Variants in OPCML observed in about 807,000 individuals in gnomAD.
OPCML encodes opioid-binding protein/cell adhesion molecule.
Under a neutral mutation model 37.8 loss-of-function variants are expected in OPCML, and 13 were observed. The ratio of observed to expected loss-of-function variants is 0.34; its 90% confidence interval spans 0.22 to 0.55. OPCML has a LOEUF of 0.55. Ranked by LOEUF, OPCML falls within the 20% of genes least tolerant of loss-of-function variation. The probability of loss-of-function intolerance (pLI) is 0.91; values close to 1 mark genes in which losing one functional copy is unlikely to be tolerated. For missense variants in OPCML, 341 were observed against 435.6 expected (o/e 0.78, Z 1.93); for synonymous variants, 176 against 168.8 (o/e 1.04, Z -0.33).
intron 2 of OPCML, among the ~76,000 whole-genome samples, chr11:132,929,046 TA>T (rs1007130276): frequency 6.9e-6 from 1 of 145,228 alleles, no homozygotes; most frequent in Non-Finnish European, 1.5e-5. Context: ...CTTAAGGAAC[TA>T]AAAAAAAGAA....
intron 3 of OPCML, among the ~76,000 whole-genome samples, chr11:132,548,577 A>G (rs143158494): frequency 1.2e-4 from 19 of 152,312 alleles, no homozygotes; most frequent in African/African-American, 4.3e-4. Context: ...ATATTAGCAC[A>G]ATGGCAACAG....
intron 2 of OPCML, among the ~76,000 whole-genome samples, chr11:132,732,539 C>G (rs968096131): frequency 9.2e-5 from 14 of 152,042 alleles, no homozygotes; most frequent in African/African-American, 3.1e-4. Flanking sequence ...CAGTCATCAT[C>G]ATGAAACGGT....
intron 1 of OPCML, among the ~76,000 whole-genome samples, chr11:133,239,484 G>A (rs1364919874): frequency 1.3e-5 from 2 of 152,220 alleles, no homozygotes; most frequent in African/African-American, 2.4e-5. Flanking sequence ...GGGCCTTGGG[G>A]GAGCTGTGCT....
chr11:132,838,386 C>G (rs1249734300), intron 2 of OPCML, among the ~76,000 whole-genome samples: 1 of 152,090 alleles, frequency 6.6e-6, no homozygotes, highest in Non-Finnish European at 1.5e-5. Context: ...TACTAAGCTA[C>G]ATAGGGTAGT....
rs74380140 is a variant in OPCML at position 132,634,053 on chromosome 11, A to G, written c.379+23034T>C. Among the ~76,000 whole-genome samples, 146 of 152,296 alleles carry G rather than the reference A, an allele frequency of 9.6e-4. 3 individuals are homozygous for G. The East Asian group carries it at 0.027, about 28-fold the overall frequency. Reference sequence around the variant, plus strand: ...GCATACAGACACAGCAGTATTTAGCAGAAGCAAAAAGGGAAAGGGGATTTT... The same window carrying G: ...GCATACAGACACAGCAGTATTTAGCGGAAGCAAAAAGGGAAAGGGGATTTT... On this transcript the variant is annotated intron_variant, in intron 3 of 7. Transcript: ENST00000524381.
intron 1 of OPCML, among the ~76,000 whole-genome samples, chr11:133,510,228 G>C (rs929487865): frequency 3.9e-5 from 6 of 152,200 alleles, no homozygotes; most frequent in African/African-American, 1.2e-4. Flanking sequence ...ATCACAGGCT[G>C]AGAAGAGCTG....
chr11:133,223,862 C>T (rs2136370208), intron 1 of OPCML, among the ~76,000 whole-genome samples: 1 of 152,324 alleles, frequency 6.6e-6, no homozygotes, highest in Middle Eastern at 3.4e-3. Flanking sequence ...ATCTGACCCA[C>T]CAGCTCCTGT....
Position 133,007,437 on chromosome 11 carries a change from A to T in OPCML, c.62-64427T>A, listed in dbSNP as rs567861565. 3.0e-6 allele frequency: 3 copies of T among 985,432 alleles called. No homozygotes were observed. In the South Asian group the frequency reaches 1.4e-4, roughly 46 times the overall value. The allele number at this position is 985,432 out of a possible 1,614,324, so 61.0% of individuals were successfully genotyped here. ...CAAAGAATGCTGTTACCAGTTTTTT[A>T]TCTCCAAAATGCACACAAAGCCCTG... On this transcript the variant is annotated intron_variant, in intron 1 of 7. Coordinates refer to ENST00000524381, the MANE Select transcript of OPCML (RefSeq NM_001012393.5).
intron 1 of OPCML, among the ~76,000 whole-genome samples, chr11:133,081,013 G>C (rs1001066021): frequency 6.6e-6 from 1 of 152,070 alleles, no homozygotes; most frequent in Non-Finnish European, 1.5e-5. Context: ...TTTGGTGAGA[G>C]GACCAGTTTC....
At chr11:132,999,991 C>T (rs779804425) in intron 1 of OPCML, among the ~76,000 whole-genome samples, 5 of 152,128 alleles carry the variant, frequency 3.3e-5, no homozygotes, top group African/African-American at 4.8e-5. Context: ...GTAGACACAC[C>T]GCTGAGCCAA....
chr11:132,703,782 C>T (rs2135930127), intron 2 of OPCML, among the ~76,000 whole-genome samples: 1 of 152,274 alleles, frequency 6.6e-6, no homozygotes. Context: ...TCTGGGTCCA[C>T]AGGGGTGGGC....
intron 1 of OPCML, among the ~76,000 whole-genome samples, chr11:133,015,395 T>TGAAGGAAGGAAGGAAGGAAGGAAG (rs1212156985): frequency 7.9e-4 from 54 of 68,228 alleles, no homozygotes; most frequent in Middle Eastern, 9.3e-3. Context: ...AAGGAAGGAA[T>TGAAGGAAGGAAGGAAGGAAGGAAG]GAAGGAAGGA....
At chr11:132,626,553 G>A (rs1402605460) in intron 3 of OPCML, among the ~76,000 whole-genome samples, 1 of 151,958 alleles carries the variant, frequency 6.6e-6, no homozygotes, top group Non-Finnish European at 1.5e-5. Context: ...TAGGGAAAAG[G>A]CTTATAAAAA....
rs187332577 is a variant in OPCML at position 132,716,271 on chromosome 11, G to T, written c.147-58952C>A. Among the ~76,000 whole-genome samples, 80 of 152,304 alleles carry T rather than the reference G, an allele frequency of 5.3e-4. 1 individual carries two copies. Among genetic ancestry groups the T allele is most frequent in the South Asian group, 2.1e-4 (1 of 4,824 alleles). ...CTGGGAATCCCAGAGGCTCAGAAGC[G>T]CTATCCAGGAAGTAGCATGTAGATT... On this transcript the variant is annotated intron_variant, in intron 2 of 7. Coordinates refer to ENST00000524381, the MANE Select transcript of OPCML (RefSeq NM_001012393.5).
chr11:133,018,800 G>A (rs544011661), intron 1 of OPCML, among the ~76,000 whole-genome samples: 4 of 152,178 alleles, frequency 2.6e-5, no homozygotes, highest in African/African-American at 7.2e-5. Context: ...ACGCTGTGTC[G>A]TCCCCCCAGC....
At chr11:132,847,854 G>C (rs1257327014) in intron 2 of OPCML, among the ~76,000 whole-genome samples, 1 of 152,116 alleles carries the variant, frequency 6.6e-6, no homozygotes, top group African/African-American at 2.4e-5. Flanking sequence ...TCTTATTTAT[G>C]TTTGTTTTGT....
rs954268195 is a variant in OPCML, at chr11:133,172,823, T to G, written c.62-229813A>C. The stretch of plus-strand genomic sequence containing the variant: ...AAAAAATAAATCTAAGTAACAGACA[T>G]TGGTCAAATACCTACAAGATACTAG... On this transcript the variant is annotated intron_variant, in intron 1 of 7. Transcript: ENST00000524381. Among the ~76,000 whole-genome samples the G allele has an allele frequency of 2.6e-5, 4 of 152,142 alleles. No homozygotes were observed. The East Asian group carries it at 7.7e-4, about 29-fold the overall frequency.
chr11:133,470,753 C>T (rs1947090138), intron 1 of OPCML, among the ~76,000 whole-genome samples: 1 of 152,190 alleles, frequency 6.6e-6, no homozygotes, highest in South Asian at 2.1e-4. Flanking sequence ...GTGAAAAGAG[C>T]AACTAACCAT....
At chr11:132,582,513 C>T (rs1038220931) in intron 3 of OPCML, among the ~76,000 whole-genome samples, 1 of 152,126 alleles carries the variant, frequency 6.6e-6, no homozygotes, top group African/African-American at 2.4e-5. Flanking sequence ...GAAACCACTA[C>T]TACACATAGA....
Sources: allele counts gnomAD v4.1 joint callset (sites outside exome capture counted in the v4.1 genomes callset), GRCh38; gene constraint gnomAD v4.1.1; transcripts MANE v1.5; gene names NCBI Gene and HGNC (gene_info 2026-07-23, HGNC 2026-07-21).